SCAMP1: variants seen among roughly 807,000 people sequenced by gnomAD.
SCAMP1 encodes the protein secretory carrier membrane protein 1, also known as secretory carrier-associated membrane protein 1.
Under a neutral mutation model 41.8 loss-of-function variants are expected in SCAMP1, and 15 were observed. That is an observed-to-expected ratio of 0.36 (90% CI 0.24 to 0.55). The LOEUF is 0.55. Among genes scored for constraint, SCAMP1 ranks in the 20% least tolerant of loss-of-function variants. The pLI, the probability that SCAMP1 is intolerant of heterozygous loss-of-function variation, is 0.86. For missense variants in SCAMP1, 341 were observed against 412.6 expected (o/e 0.83, Z 1.50); for synonymous variants, 135 against 136.8 (o/e 0.99, Z 0.09).
intron 6 of SCAMP1, among the ~76,000 whole-genome samples, chr5:78,433,047 TATG>T (rs948696924): frequency 8.5e-5 from 13 of 152,204 alleles, no homozygotes; most frequent in African/African-American, 3.1e-4. Context: ...TCATCTCTGT[TATG>T]ATATTTTTCA....
chr5:78,406,633 A>G (rs1225963775), intron 2 of SCAMP1, among the ~76,000 whole-genome samples: 1 of 152,192 alleles, frequency 6.6e-6, no homozygotes, highest in Non-Finnish European at 1.5e-5. Context: ...GATTATTATA[A>G]TGTTCTTAAT....
intron 8 of SCAMP1, among the ~76,000 whole-genome samples, chr5:78,469,908 A>AAAAAC (rs1753836241): frequency 2.6e-5 from 1 of 38,458 alleles, no homozygotes. Flanking sequence ...AAAAAAAAAA[A>AAAAAC]AAAACAAAAA....
chr5:78,372,228 T>G lies in SCAMP1; in HGVS notation c.57+11500T>G, dbSNP rs1427269936. Among the ~76,000 whole-genome samples, 3 of 152,198 alleles carry G rather than the reference T, an allele frequency of 2.0e-5. No individual in the cohort carries two copies. In the East Asian group the frequency reaches 5.8e-4, roughly 29 times the overall value. ...TTCTTATATGATAATTTGGGATATATGGAGAGCACTGTCAAGTGAAAGTGG... is the reference window on the plus strand; with the variant it reads ...TTCTTATATGATAATTTGGGATATAGGGAGAGCACTGTCAAGTGAAAGTGG... On this transcript the variant is annotated intron_variant, in intron 1 of 8. Transcript: ENST00000621999.
intron 7 of SCAMP1, among the ~76,000 whole-genome samples, chr5:78,452,651 G>A (rs201432758): frequency 4.0e-5 from 6 of 151,516 alleles, no homozygotes; most frequent in South Asian, 4.2e-4. Flanking sequence ...ATAAACATAC[G>A]TGTGCATGTG....
Position 78,421,794 on chromosome 5 carries a change from T to C in SCAMP1, c.473-7T>C. 6.3e-7 allele frequency: 1 copy of C among 1,594,390 alleles called. No individual in the cohort carries two copies. Among genetic ancestry groups the C allele is most frequent in the East Asian group, 2.2e-5 (1 of 44,700 alleles). On this transcript the variant is annotated splice_polypyrimidine_tract_variant and splice_region_variant and intron_variant, in intron 5 of 8. Coordinates refer to ENST00000621999, the MANE Select transcript of SCAMP1 (RefSeq NM_004866.6). ...TTCTTTTTCTATTTTGTTTTCTGAT[T>C]CCACAGTCCATGCAGTAACACTGTT...
intron 6 of SCAMP1, among the ~76,000 whole-genome samples, chr5:78,449,352 A>C (rs9293749): frequency 0.37 from 56,337 of 152,034 alleles, 12,563 homozygotes; most frequent in Non-Finnish European, 0.5. Flanking sequence ...AACTGGGTGA[A>C]TCTCAGAATA....
rs991536195 is a variant in SCAMP1, at chr5:78,438,811, G to T, written c.633-11122G>T. On this transcript the variant is annotated intron_variant, in intron 6 of 8. Coordinates refer to ENST00000621999, the MANE Select transcript of SCAMP1 (RefSeq NM_004866.6). The stretch of plus-strand genomic sequence containing the variant: ...GTTGATCTGTCTAATGTTGACAGTG[G>T]GGTGTTAAAGTCTCCCATTATTATT... 2.0e-5 allele frequency among the ~76,000 whole-genome samples: 3 copies of T among 152,206 alleles called. No homozygotes were observed. The East Asian group carries it at 5.8e-4, about 29-fold the overall frequency.
chr5:78,373,325 C>G (rs548789509), intron 1 of SCAMP1, among the ~76,000 whole-genome samples: 1 of 152,208 alleles, frequency 6.6e-6, no homozygotes, highest in South Asian at 2.1e-4. Flanking sequence ...GCATGTATTA[C>G]TACTTTCAAG....
At chr5:78,404,377 G>T (rs1270817244) in intron 2 of SCAMP1, among the ~76,000 whole-genome samples, 6 of 150,194 alleles carry the variant, frequency 4.0e-5, no homozygotes, top group Non-Finnish European at 8.8e-5. Flanking sequence ...AAACGCCTGG[G>T]CTCAAACAGT....
intron 6 of SCAMP1, among the ~76,000 whole-genome samples, chr5:78,427,193 A>G (rs1404551091): frequency 1.3e-5 from 2 of 152,186 alleles, no homozygotes; most frequent in African/African-American, 4.8e-5. Flanking sequence ...GTGGAAAGCA[A>G]ACGGGAGCAG....
At chr5:78,432,358 T>C (rs1439228910) in intron 6 of SCAMP1, among the ~76,000 whole-genome samples, 2 of 152,138 alleles carry the variant, frequency 1.3e-5, no homozygotes, top group Non-Finnish European at 2.9e-5. Context: ...CCAGAAAATT[T>C]TTCTTTAATA....
intron 2 of SCAMP1, among the ~76,000 whole-genome samples, chr5:78,406,564 T>C (rs749693380): frequency 6.6e-6 from 1 of 152,184 alleles, no homozygotes; most frequent in Non-Finnish European, 1.5e-5. Context: ...ACCCTTGGAA[T>C]TTCCAGTGCA....
At chr5:78,463,290 ACTCT>A (rs1306835890) in intron 8 of SCAMP1, among the ~76,000 whole-genome samples, 1 of 151,832 alleles carries the variant, frequency 6.6e-6, no homozygotes. Flanking sequence ...AATTCTCTTG[ACTCT>A]CTGGCTATTC....
rs1752217455 is a variant in SCAMP1, at chr5:78,416,669, G to C, written c.343+20G>C. Reference sequence around the variant, plus strand: ...AACATGGTAGTATCCAAAGAAATTTGAAATAAAAATAACTTTTAAATACTT... The same window carrying C: ...AACATGGTAGTATCCAAAGAAATTTCAAATAAAAATAACTTTTAAATACTT... On this transcript the variant is annotated intron_variant, in intron 4 of 8. Coordinates refer to ENST00000621999, the MANE Select transcript of SCAMP1 (RefSeq NM_004866.6). 11 of 1,528,172 alleles carry C rather than the reference G, an allele frequency of 7.2e-6. No homozygotes were observed. Among genetic ancestry groups the C allele is most frequent in the Non-Finnish European group, 8.9e-6 (10 of 1,128,826 alleles). 94.7% of individuals were successfully genotyped at this position (1,528,172 alleles called of 1,614,324 possible).
intron 1 of SCAMP1, 95 bp from the exon 2 acceptor site, chr5:78,388,742 A>C: frequency 6.9e-6 from 4 of 577,342 alleles, no homozygotes; most frequent in Non-Finnish European, 1.2e-5. Context: ...TTGCTGCATG[A>C]CCACAAGTAT....
At chr5:78,370,430 TC>T (rs1750914246) in intron 1 of SCAMP1, among the ~76,000 whole-genome samples, 2 of 152,172 alleles carry the variant, frequency 1.3e-5, no homozygotes, top group South Asian at 4.1e-4. Context: ...GCGTTTGACT[TC>T]ATATGTGTAG....
At chr5:78,371,384 T>C (rs1337985089) in intron 1 of SCAMP1, among the ~76,000 whole-genome samples, 9 of 152,222 alleles carry the variant, frequency 5.9e-5, no homozygotes, top group Admixed American at 5.9e-4. Context: ...GTGGTTATAA[T>C]GGTTGTTCCA....
At chr5:78,415,681 C>G in intron 3 of SCAMP1, 63 bp downstream of exon 3, 1 of 1,025,782 alleles carries the variant, frequency 9.7e-7, no homozygotes, top group Non-Finnish European at 1.5e-6. Context: ...CATTTGCTTT[C>G]AGAGCAAAAT....
At chr5:78,457,328 G>A (rs57803988) in intron 7 of SCAMP1, among the ~76,000 whole-genome samples, 40,916 of 151,422 alleles carry the variant, frequency 0.27, 5,753 homozygotes, top group East Asian at 0.53. Flanking sequence ...ATCTACTTTT[G>A]GTCTTTGATG....
Sources: allele counts gnomAD v4.1 joint callset (sites outside exome capture counted in the v4.1 genomes callset), GRCh38; gene constraint gnomAD v4.1.1; transcripts MANE v1.5; gene names NCBI Gene and HGNC (gene_info 2026-07-23, HGNC 2026-07-21).